The following ARHGEF3 variants were observed in gnomAD, a reference collection of about 807,000 sequenced individuals.
The protein encoded by ARHGEF3 is 59.8 kDA protein.
In ARHGEF3, 28 loss-of-function variants were observed where a neutral mutation model predicts 63.2. The observed-to-expected ratio is 0.44, with a 90% CI of 0.33 to 0.61. The LOEUF (loss-of-function observed/expected upper bound fraction) is 0.61, where lower values mean the gene tolerates loss of function less well. Ranked by LOEUF, ARHGEF3 falls within the 20% of genes least tolerant of loss-of-function variation. The pLI is 0.03. For synonymous variants in ARHGEF3, 266 were observed against 254.2 expected (o/e 1.05, Z -0.44); for missense variants, 533 against 659.3 (o/e 0.81, Z 2.10).
At chr3:57,042,678 ATATATATATATATATATATATATTTT>A (rs1349002814) in intron 1 of ARHGEF3, among the ~76,000 whole-genome samples, 4 of 28,818 alleles carry the variant, frequency 1.4e-4, no homozygotes, top group African/African-American at 1.1e-3. Context: ...ATATATATAT[ATATATATATATATATATATATATTTT>A]TTTTTTTTTT....
At chr3:57,034,187 T>G (rs1477068619) in intron 2 of ARHGEF3, among the ~76,000 whole-genome samples, 19 of 151,768 alleles carry the variant, frequency 1.3e-4, no homozygotes, top group African/African-American at 4.3e-4. Flanking sequence ...CAGTGGCTAT[T>G]CACAAGTGCA....
intron 3 of ARHGEF3, among the ~76,000 whole-genome samples, chr3:56,914,955 A>G (rs188505995): frequency 1.3e-3 from 205 of 152,312 alleles, no homozygotes; most frequent in Non-Finnish European, 2.1e-3. Flanking sequence ...GAATGTATTT[A>G]ATATCACAAA....
intron 4 of ARHGEF3, among the ~76,000 whole-genome samples, chr3:56,813,410 G>GA (rs1350036163): frequency 6.6e-6 from 1 of 152,136 alleles, no homozygotes; most frequent in Non-Finnish European, 1.5e-5. Context: ...TTTTGAAAGG[G>GA]AAAAAATTCT....
chr3:56,998,853 G>C (rs1702086335), intron 2 of ARHGEF3, among the ~76,000 whole-genome samples: 1 of 152,192 alleles, frequency 6.6e-6, no homozygotes, highest in Non-Finnish European at 1.5e-5. Flanking sequence ...CCCTGAAGCA[G>C]ATCCCATGTC....
chr3:56,915,858 T>C (rs1049540031), intron 3 of ARHGEF3, among the ~76,000 whole-genome samples: 1 of 152,228 alleles, frequency 6.6e-6, no homozygotes, highest in African/African-American at 2.4e-5. Context: ...AAATCCACTT[T>C]GTGATTAAAT....
At chr3:57,002,777 C>CTTT (rs368902975) in intron 2 of ARHGEF3, among the ~76,000 whole-genome samples, 2 of 129,644 alleles carry the variant, frequency 1.5e-5, no homozygotes, top group African/African-American at 5.6e-5. Context: ...TATTTCTTTT[C>CTTT]TTTTTTTTTT....
chr3:56,884,230 C>T (rs1046841334), intron 3 of ARHGEF3, among the ~76,000 whole-genome samples: 5 of 152,138 alleles, frequency 3.3e-5, no homozygotes, highest in Non-Finnish European at 5.9e-5. Flanking sequence ...TATAGTAATG[C>T]ATTTTAGAGC....
Position 56,729,428 on chromosome 3 carries a change from T to C in ARHGEF3, c.1423A>G (p.Arg475Gly), listed in dbSNP as rs2032951890. Residue 475 changes from arginine (R) to glycine (G), a missense_variant, in exon 10 of 10, where the codon AGA (arginine) becomes GGA (glycine). Around this residue, in one of 4 missense-constraint regions of ARHGEF3, gnomAD observed 115 missense variants for 103.4 expected, o/e 1.11. Coordinates refer to ENST00000296315, the MANE Select transcript of ARHGEF3 (RefSeq NM_019555.3). ...GSFLNPTTGS[R>G]ELQGETKLEQ... ...AGTTTTGTTTCTCCCTGTAGCTCTC[T>C]GCTCCCGGTGGTGGGATTTAGGAAC... 3.1e-6 allele frequency: 5 copies of C among 1,614,154 alleles called. No homozygotes were observed. The highest frequency in any genetic ancestry group is 1.6e-4 in the Middle Eastern group (1 of 6,062).
intron 1 of ARHGEF3, among the ~76,000 whole-genome samples, chr3:57,042,691 TATATATATA>T (rs200721475): frequency 0.097 from 2,580 of 26,580 alleles, 302 homozygotes; most frequent in Non-Finnish European, 0.11. Context: ...TATATATATA[TATATATATA>T]TTTTTTTTTT....
chr3:56,787,879 C>T (rs1421832519), intron 1 of ARHGEF3, among the ~76,000 whole-genome samples: 1 of 152,128 alleles, frequency 6.6e-6, no homozygotes, highest in Non-Finnish European at 1.5e-5. Flanking sequence ...CGTTAAGGGC[C>T]TCGCCTGAAG....
chr3:56,840,475 A>G (rs915387574), intron 4 of ARHGEF3, among the ~76,000 whole-genome samples: 1 of 152,220 alleles, frequency 6.6e-6, no homozygotes, highest in Non-Finnish European at 1.5e-5. Flanking sequence ...GCTTTTTAAA[A>G]TATCTCTATT....
chr3:57,049,827 G>C (rs926876178), intron 1 of ARHGEF3, among the ~76,000 whole-genome samples: 1 of 152,184 alleles, frequency 6.6e-6, no homozygotes, highest in African/African-American at 2.4e-5. Flanking sequence ...CACCCACTAG[G>C]TGCAGCCCCC....
intron 1 of ARHGEF3, among the ~76,000 whole-genome samples, chr3:56,789,320 T>G (rs2036968879): frequency 1.3e-5 from 2 of 152,130 alleles, no homozygotes; most frequent in South Asian, 4.1e-4. Context: ...CACCCAATCC[T>G]TCCCACCAGA....
At chr3:56,805,066 C>T (rs572123849), upstream of ARHGEF3, among the ~76,000 whole-genome samples, 5 of 152,114 alleles carry the variant, frequency 3.3e-5, no homozygotes, top group African/African-American at 4.8e-5. Context: ...CTTGCTGGGC[C>T]GTGTTCTCAA....
intron 1 of ARHGEF3, among the ~76,000 whole-genome samples, chr3:56,783,126 C>T (rs2107883479): frequency 6.6e-6 from 1 of 152,166 alleles, no homozygotes; most frequent in African/African-American, 2.4e-5. Flanking sequence ...TGGCAGGAGC[C>T]TCTGAAACCA....
chr3:57,002,467 T>TATATATATAG (rs1702245103), intron 2 of ARHGEF3, among the ~76,000 whole-genome samples: 1 of 18,232 alleles, frequency 5.5e-5, no homozygotes, highest in African/African-American at 1.6e-4. Flanking sequence ...AAGCACTATA[T>TATATATATAG]ATATATATAT....
chr3:56,836,013 G>A (rs955850700), intron 4 of ARHGEF3, among the ~76,000 whole-genome samples: 2 of 152,196 alleles, frequency 1.3e-5, no homozygotes, highest in African/African-American at 2.4e-5. Context: ...TTTAGCATGA[G>A]TATTTCTGTG....
chr3:56,914,707 C>A (rs765799489), intron 3 of ARHGEF3, among the ~76,000 whole-genome samples: 1 of 152,050 alleles, frequency 6.6e-6, no homozygotes, highest in African/African-American at 2.4e-5. Flanking sequence ...CTTGAATGAA[C>A]CCAGAGGACA....
intron 2 of ARHGEF3, among the ~76,000 whole-genome samples, chr3:56,994,528 C>T (rs866465353): frequency 9.9e-5 from 15 of 152,068 alleles, no homozygotes; most frequent in African/African-American, 3.6e-4. Context: ...TTCAACAGCC[C>T]TCTTGGAAAA....
Sources: allele counts gnomAD v4.1 joint callset (sites outside exome capture counted in the v4.1 genomes callset), GRCh38; gene constraint gnomAD v4.1.1; regional missense constraint gnomAD v4.1.1; transcripts MANE v1.5; gene names NCBI Gene and HGNC (gene_info 2026-07-23, HGNC 2026-07-21).